Variants in NKD1 observed in about 807,000 individuals in gnomAD.
NKD1 encodes NKD inhibitor of Wnt signaling pathway 1.
NKD1 carries 21 observed loss-of-function variants against 56.0 expected under a neutral mutation model. That is an observed-to-expected ratio of 0.38 (90% CI 0.27 to 0.54). The LOEUF (loss-of-function observed/expected upper bound fraction) is 0.54. Among genes scored for constraint, NKD1 ranks in the 20% least tolerant of loss-of-function variants. The pLI is 0.82. For synonymous variants in NKD1, 263 were observed against 265.7 expected, an observed-to-expected ratio of 0.99 and a Z score of 0.10; for missense variants, 578 against 642.7, an observed-to-expected ratio of 0.90 and a Z score of 1.09.
At chr16:50,610,308 G>A (rs1961814629) in intron 4 of NKD1, among the ~76,000 whole-genome samples, 1 of 152,242 alleles carries the variant, frequency 6.6e-6, no homozygotes, top group Non-Finnish European at 1.5e-5. Flanking sequence ...TCTGGTTTGA[G>A]TCGGGTGGGC....
intron 3 of NKD1, among the ~76,000 whole-genome samples, chr16:50,582,062 G>T (rs931956851): frequency 2.0e-5 from 3 of 152,124 alleles, no homozygotes; most frequent in Non-Finnish European, 4.4e-5. Flanking sequence ...CCCAGCCATC[G>T]TAAGGCAGCT....
intron 3 of NKD1, chr16:50,556,235 G>A (rs1043257594): frequency 2.0e-5 from 3 of 152,274 alleles, no homozygotes; most frequent in African/African-American, 7.2e-5. Context: ...AGCTCCGAAG[G>A]GCAGCCTGGT....
In NKD1 at chr16:50,598,824, T is replaced by G. The variant is rs1485576338; in HGVS notation, c.193-9470T>G. 6.7e-6 allele frequency among the ~76,000 whole-genome samples: 1 copy of G among 149,238 alleles called. No homozygotes were observed. Among genetic ancestry groups the G allele is most frequent in the Non-Finnish European group, 1.5e-5 (1 of 67,344 alleles). Reference sequence around the variant, plus strand: ...GCAGGATCAGTGGTGCGATGTGCAGTGGCATGGTAGAGTCAGTGGTGCAAT... The same window carrying G: ...GCAGGATCAGTGGTGCGATGTGCAGGGGCATGGTAGAGTCAGTGGTGCAAT... On this transcript the variant is annotated intron_variant, in intron 3 of 9. Transcript: ENST00000268459. This position sits in a 1 kb window ranked among gnomAD's most constrained non-coding sequence, Gnocchi z 4.2.
At chr16:50,590,741 G>GC (rs1961347681) in intron 3 of NKD1, among the ~76,000 whole-genome samples, 1 of 152,210 alleles carries the variant, frequency 6.6e-6, no homozygotes, top group South Asian at 2.1e-4. Flanking sequence ...CATGGTCTGG[G>GC]CCCCACACCA....
Position 50,643,802 on chromosome 16 carries a change from T to A in NKD1, c.*10021T>A, listed in dbSNP as rs889722722. On this transcript the variant is annotated 3_prime_UTR_variant, in exon 10 of 10. Transcript: ENST00000268459. ...ACTATATATTCTTGATTCGTTAACA[T>A]TGAACTCAGCCAACAGCTCTATAAC... is the stretch of plus-strand genomic sequence containing the variant. 1 of 152,260 alleles carries A rather than the reference T, an allele frequency of 6.6e-6. No homozygotes were observed. Among genetic ancestry groups the A allele is most frequent in the Non-Finnish European group, 1.5e-5 (1 of 68,050 alleles). 9.4% of individuals were successfully genotyped at this position (152,260 alleles called of 1,614,324 possible).
chr16:50,588,086 C>A (rs1302624386), intron 3 of NKD1, among the ~76,000 whole-genome samples: 1 of 152,212 alleles, frequency 6.6e-6, no homozygotes, highest in Non-Finnish European at 1.5e-5. Context: ...TTTGGGTGGA[C>A]AGCAAATGAA....
At chr16:50,581,759 T>A (rs1054473231) in intron 3 of NKD1, among the ~76,000 whole-genome samples, 1 of 152,204 alleles carries the variant, frequency 6.6e-6, no homozygotes, top group Non-Finnish European at 1.5e-5. Context: ...TGAGGTGCTG[T>A]CTTGTAGCAG....
intron 6 of NKD1, 44 bp downstream of exon 6, chr16:50,625,624 G>A (rs1219059919): frequency 1.6e-6 from 2 of 1,270,288 alleles, no homozygotes; most frequent in South Asian, 1.2e-5. Context: ...CATACCCGCA[G>A]GCACAGGGCC....
chr16:50,560,468 T>C (rs1240611033), intron 3 of NKD1, among the ~76,000 whole-genome samples: 2 of 152,172 alleles, frequency 1.3e-5, no homozygotes, highest in African/African-American at 4.8e-5. Flanking sequence ...GAGGCCGCTG[T>C]TATTATTATG....
chr16:50,565,367 G>C (rs1399136217), intron 3 of NKD1, among the ~76,000 whole-genome samples: 3 of 141,648 alleles, frequency 2.1e-5, no homozygotes, highest in Non-Finnish European at 4.5e-5. Flanking sequence ...GTGAGACTCC[G>C]TCTCAAAAAA....
At chr16:50,602,407 G>C (rs1020254887) in intron 3 of NKD1, among the ~76,000 whole-genome samples, 2 of 152,154 alleles carry the variant, frequency 1.3e-5, no homozygotes, top group Non-Finnish European at 2.9e-5. Context: ...GGCCTGGAGG[G>C]GGCTACCTGA....
intron 3 of NKD1, among the ~76,000 whole-genome samples, chr16:50,587,213 G>C (rs895181964): frequency 6.6e-6 from 1 of 152,206 alleles, no homozygotes; most frequent in African/African-American, 2.4e-5. Flanking sequence ...TGGGGATGAT[G>C]CAAAAATGCA....
chr16:50,578,204 A>G (rs551042290), intron 3 of NKD1, among the ~76,000 whole-genome samples: 1 of 152,260 alleles, frequency 6.6e-6, no homozygotes, highest in South Asian at 2.1e-4. Context: ...AAGAGAGTAG[A>G]AAAACTCTTC....
intron 4 of NKD1, among the ~76,000 whole-genome samples, chr16:50,620,699 C>T (rs1032824207): frequency 2.6e-5 from 4 of 152,164 alleles, no homozygotes; most frequent in African/African-American, 9.7e-5. Context: ...CTAAAGGAGG[C>T]TTATGGGACA....
intron 3 of NKD1, among the ~76,000 whole-genome samples, chr16:50,597,680 C>G (rs1961502832): frequency 6.6e-6 from 1 of 152,156 alleles, no homozygotes; most frequent in South Asian, 2.1e-4. Context: ...ACTGTGGACC[C>G]TGGGCCCTCA....
chr16:50,630,180 A>T lies in NKD1; in HGVS notation c.463-6A>T, dbSNP rs887337922. The stretch of plus-strand genomic sequence containing the variant: ...CTGCATGGGTCTCCGCTTCCCTCCC[A>T]TTCAGGACATCACCAGCTTGCTGCA... On this transcript the variant is annotated splice_region_variant and splice_polypyrimidine_tract_variant and intron_variant, in intron 6 of 9. Transcript: ENST00000268459. The T allele has an allele frequency of 6.2e-7, 1 of 1,613,652 alleles. No homozygotes were observed. Among genetic ancestry groups the T allele is most frequent in the African/African-American group, 1.3e-5 (1 of 74,874 alleles).
chr16:50,605,618 G>A (rs1477359620), intron 3 of NKD1, among the ~76,000 whole-genome samples: 1 of 152,160 alleles, frequency 6.6e-6, no homozygotes, highest in East Asian at 1.9e-4. Context: ...CATCTCCATA[G>A]CATTTACACT....
At chr16:50,600,621 G>A (rs1376913169) in intron 3 of NKD1, among the ~76,000 whole-genome samples, 3 of 152,218 alleles carry the variant, frequency 2.0e-5, no homozygotes, top group East Asian at 1.9e-4. Flanking sequence ...GGAGGAAGGC[G>A]CGACCATGGC....
At position 50,592,075 on chromosome 16, in the gene NKD1, G is replaced by A. The variant is rs1322490822; in HGVS notation, c.193-16219G>A. ...CATTCTGGGCAGTGACTTGGCTGCC[G>A]CTGAGGACAGAGCTGGCTAAGGCCA... On this transcript the variant is annotated intron_variant, in intron 3 of 9. Transcript: ENST00000268459. 9.2e-5 allele frequency among the ~76,000 whole-genome samples: 14 copies of A among 152,342 alleles called. No homozygotes were observed. In the South Asian group the frequency reaches 2.5e-3, roughly 27 times the overall value.
Sources: allele counts gnomAD v4.1 joint callset (sites outside exome capture counted in the v4.1 genomes callset), GRCh38; gene constraint gnomAD v4.1.1; non-coding constraint Gnocchi (gnomAD v3.1); transcripts MANE v1.5; gene names NCBI Gene and HGNC (gene_info 2026-07-23, HGNC 2026-07-21).